TMEM94: variants seen among roughly 807,000 people sequenced by gnomAD.
TMEM94 encodes the protein transmembrane protein 94.
TMEM94 carries 81 observed loss-of-function variants against 158.6 expected under a neutral mutation model. The observed-to-expected ratio is 0.51, with a 90% confidence interval of 0.43 to 0.61. The LOEUF is 0.61. TMEM94 is among the 20% of genes least tolerant of loss of function. The probability of loss-of-function intolerance (pLI) is 0.00; values close to 1 mark genes in which losing one functional copy is unlikely to be tolerated. For missense variants in TMEM94, 1,435 were observed against 1,762.0 expected, an observed-to-expected ratio of 0.81 and a Z score of 3.32; for synonymous variants, 751 against 730.7, an observed-to-expected ratio of 1.03 and a Z score of -0.45.
chr17:75,485,943 A>G lies in TMEM94; in HGVS notation c.217A>G (p.Met73Val), dbSNP rs369675571. The change falls in exon 4 of 32, where the codon ATG becomes GTG. Residue 73 changes from methionine (M) to valine (V), a missense_variant. Met to Val is a conservative substitution (Grantham distance 21). Around this residue, in one of 3 missense-constraint regions of TMEM94, gnomAD observed 1,051 missense variants for 1,254.4 expected, o/e 0.84. Transcript: ENST00000314256. This position sits in a 1 kb window ranked among gnomAD's most constrained non-coding sequence, Gnocchi z 5.5. ...CTTCCACTGGCCGGGGGCCTCACTC[A>G]TGCTACTGGCCGTGCTGCTGCTGCT... The part of the protein sequence containing the change: ...SCFHWPGASL[M>V]LLAVLLLLGC... 9 of 1,613,592 alleles carry G rather than the reference A, an allele frequency of 5.6e-6. No individual in the cohort carries two copies. The African/African-American group carries it at 9.3e-5, about 17-fold the overall frequency.
intron 1 of TMEM94, chr17:75,457,347 C>T (rs539227940): frequency 3.3e-5 from 5 of 152,380 alleles, no homozygotes; most frequent in East Asian, 3.9e-4. Context: ...GATAAAGTGA[C>T]TCCTGTGGAA....
Position 75,495,917 on chromosome 17 carries a change from C to A in TMEM94, c.2945-49C>A, listed in dbSNP as rs201992531. The A allele has an allele frequency of 3.3e-5, 46 of 1,387,334 alleles. No homozygotes were observed. The East Asian group carries it at 1.1e-3, about 32-fold the overall frequency. The allele number at this position is 1,387,334 out of a possible 1,614,324, so 85.9% of individuals were successfully genotyped here. On this transcript the variant is annotated intron_variant, in intron 22 of 31. Transcript: ENST00000314256. This position sits in a 1 kb window ranked among gnomAD's most constrained non-coding sequence, Gnocchi z 5.6. ...CCCATGGGTCTCTGCCCAGTGCCCA[C>A]TTGGTGCTCTGCCTGCCTGACTCTG...
At position 75,495,823 on chromosome 17, in the gene TMEM94, T is replaced by G; in HGVS notation, c.2945-143T>G. ...GGAGTCAGAAGTGCCGATGTTCACA[T>G]GATCCCGCTGCCGGGGGTGGGATTG... On this transcript the variant is annotated intron_variant, in intron 22 of 31. Coordinates refer to ENST00000314256, the MANE Select transcript of TMEM94 (RefSeq NM_014738.6). The surrounding 1 kb of genome is among the most constrained non-coding windows in gnomAD (Gnocchi z 5.6). 2.5e-6 allele frequency: 2 copies of G among 793,864 alleles called. No individual in the cohort carries two copies. The highest frequency in any genetic ancestry group is 2.3e-5 in the Admixed American group (1 of 43,116). 49.2% of individuals were successfully genotyped at this position (793,864 alleles called of 1,614,324 possible). A position where few individuals can be genotyped will look rare whatever the true frequency, so the allele number is the denominator to read the frequency against.
At chr17:75,472,027 T>A in intron 2 of TMEM94, 98 bp downstream of exon 2, 2 of 1,264,280 alleles carry the variant, frequency 1.6e-6, no homozygotes, top group Non-Finnish European at 2.3e-6. Context: ...CTGGGGGCTT[T>A]AAACAAAAGT....
At chr17:75,496,922 C>T (rs948187879) in intron 25 of TMEM94, 115 bp downstream of exon 25, 111 of 1,220,990 alleles carry the variant, frequency 9.1e-5, no homozygotes, top group Middle Eastern at 5.1e-4. Flanking sequence ...GGGGTCCCCC[C>T]AGAGCCTCTG....
chr17:75,498,195 C>T lies in TMEM94; in HGVS notation c.3510C>T (p.Leu1170=). ...IPKKTQHYFL[L]CFLLKFSLTI... ...CGCAGACCCAGCACTACTTCCTGCT[C>T]TGCTTCCTGCTCAAGTTCAGCCTCA... Residue 1170 remains leucine, a synonymous_variant, in exon 28 of 32, where the codon CTC becomes CTT. Coordinates refer to ENST00000314256, the MANE Select transcript of TMEM94 (RefSeq NM_014738.6). This position sits in a 1 kb window ranked among gnomAD's most constrained non-coding sequence, Gnocchi z 6.7. 1 of 1,613,990 alleles carries T rather than the reference C, an allele frequency of 6.2e-7. No homozygotes were observed. Among genetic ancestry groups the T allele is most frequent in the Non-Finnish European group, 8.5e-7 (1 of 1,180,030 alleles).
intron 1 of TMEM94, among the ~76,000 whole-genome samples, chr17:75,468,088 T>C (rs1295342874): frequency 6.6e-6 from 1 of 152,214 alleles, no homozygotes; most frequent in Non-Finnish European, 1.5e-5. Context: ...GCCAAGGTCA[T>C]TGGCGTTTGA....
intron 1 of TMEM94, among the ~76,000 whole-genome samples, chr17:75,461,439 A>G (rs1044014771): frequency 1.3e-5 from 2 of 152,130 alleles, no homozygotes; most frequent in Non-Finnish European, 2.9e-5. Flanking sequence ...GGATACATTC[A>G]CATGGTTTGA....
At chr17:75,476,098 G>A (rs994186026) in intron 2 of TMEM94, among the ~76,000 whole-genome samples, 1 of 152,204 alleles carries the variant, frequency 6.6e-6, no homozygotes, top group Admixed American at 6.5e-5. Context: ...GGGAGTTGCC[G>A]TGTGATTTGG....
In TMEM94 at chr17:75,497,865, A is replaced by C; in HGVS notation, c.3489+3A>C. 5 of 1,612,466 alleles carry C rather than the reference A, an allele frequency of 3.1e-6. No homozygotes were observed. Among genetic ancestry groups the C allele is most frequent in the Non-Finnish European group, 4.2e-6 (5 of 1,178,708 alleles). On this transcript the variant is annotated splice_donor_region_variant and intron_variant, in intron 27 of 31. Coordinates refer to ENST00000314256, the MANE Select transcript of TMEM94 (RefSeq NM_014738.6). ...ACCTCCAGTCCATTCCCAAGAAGGT[A>C]AGCAAAACAGACCCTGTGAGCCTTG...
rs376713349 is a variant in TMEM94, at chr17:75,498,798, C to T, written c.3827+76C>T. ...CTTCTGCAGGGCTAGGATCGGAGGG[C>T]GGGACCGGGGCCAGTGGTTTAACTG... is the stretch of plus-strand genomic sequence containing the variant. On this transcript the variant is annotated intron_variant, in intron 30 of 31. Transcript: ENST00000314256. The surrounding 1 kb of genome is among the most constrained non-coding windows in gnomAD (Gnocchi z 6.7). The T allele has an allele frequency of 2.2e-5, 33 of 1,524,626 alleles. No individual in the cohort carries two copies. The highest frequency in any genetic ancestry group is 3.5e-4 in the Middle Eastern group (2 of 5,640). The allele number at this position is 1,524,626 out of a possible 1,614,324, so 94.4% of individuals were successfully genotyped here.
chr17:75,490,483 C>A, intron 10 of TMEM94, 133 bp downstream of exon 10: 1 of 1,052,580 alleles, frequency 9.5e-7, no homozygotes, highest in Non-Finnish European at 1.4e-6. Context: ...GCTCTCCAGG[C>A]CTCGGGCCCT....
chr17:75,465,865 GA>G (rs1401359001), intron 1 of TMEM94, among the ~76,000 whole-genome samples: 1 of 151,562 alleles, frequency 6.6e-6, no homozygotes, highest in Non-Finnish European at 1.5e-5. Context: ...ATATTTTGAA[GA>G]GTGGAAATTT....
Position 75,495,024 on chromosome 17 carries a change from C to A in TMEM94, c.2718C>A (p.Asp906Glu), listed in dbSNP as rs768751741. 47 of 1,612,972 alleles carry A rather than the reference C, an allele frequency of 2.9e-5. No individual in the cohort carries two copies. Among genetic ancestry groups the A allele is most frequent in the Non-Finnish European group, 3.9e-5 (46 of 1,179,958 alleles). ...SPSHAGSLHD[D>E]LNQVSRDDAE... is the part of the protein sequence containing the mutation. Reference sequence around the variant, plus strand: ...GCCACGCAGGCTCCCTGCATGATGACCTGAATCAGGGTAAGGGCAAAGGCG... The same window carrying A: ...GCCACGCAGGCTCCCTGCATGATGAACTGAATCAGGGTAAGGGCAAAGGCG... The change falls in exon 20 of 32, where the codon GAC becomes GAA. Residue 906 changes from aspartate (D) to glutamate (E), a missense_variant. By Grantham distance (45) the Asp-to-Glu change is conservative. Coordinates refer to ENST00000314256, the MANE Select transcript of TMEM94 (RefSeq NM_014738.6). The surrounding 1 kb of genome is among the most constrained non-coding windows in gnomAD (Gnocchi z 5.6).
intron 1 of TMEM94, among the ~76,000 whole-genome samples, chr17:75,465,665 A>ATTTTTTT (rs2050278316): frequency 3.7e-5 from 3 of 81,714 alleles, no homozygotes; most frequent in African/African-American, 1.4e-4. Flanking sequence ...TTATATATAT[A>ATTTTTTT]TATATATATA....
At chr17:75,472,048 G>A (rs564476575) in intron 2 of TMEM94, 119 bp downstream of exon 2, 3 of 985,454 alleles carry the variant, frequency 3.0e-6, no homozygotes, top group East Asian at 4.9e-5. Flanking sequence ...TGAGAGAGGA[G>A]GCAAGGCTCT....
chr17:75,473,025 C>T (rs750594058), intron 2 of TMEM94, among the ~76,000 whole-genome samples: 10 of 152,126 alleles, frequency 6.6e-5, no homozygotes, highest in East Asian at 1.9e-4. Context: ...CTCACAGCAC[C>T]GAGCCTGGCA....
intron 1 of TMEM94, among the ~76,000 whole-genome samples, chr17:75,458,570 G>T (rs1304867831): frequency 6.6e-6 from 1 of 151,826 alleles, no homozygotes; most frequent in African/African-American, 2.4e-5. Context: ...ATGTGCCTGT[G>T]TTCCCAGCTA....
chr17:75,459,635 A>G (rs2050000860), intron 1 of TMEM94: 1 of 152,264 alleles, frequency 6.6e-6, no homozygotes, highest in Admixed American at 6.5e-5. Flanking sequence ...ACCTACACCC[A>G]AGGCTGTATG....
Sources: allele counts gnomAD v4.1 joint callset (sites outside exome capture counted in the v4.1 genomes callset), GRCh38; gene constraint gnomAD v4.1.1; regional missense constraint gnomAD v4.1.1; non-coding constraint Gnocchi (gnomAD v3.1); transcripts MANE v1.5; gene names NCBI Gene and HGNC (gene_info 2026-07-23, HGNC 2026-07-21).